Variants in RXRB observed in about 807,000 individuals in gnomAD.
The protein encoded by RXRB is retinoic acid receptor RXR-beta.
RXRB carries 18 observed loss-of-function variants against 52.5 expected under a neutral mutation model. The observed-to-expected ratio is 0.34, with a 90% confidence interval of 0.24 to 0.51. The LOEUF (loss-of-function observed/expected upper bound fraction) is 0.51. Ranked by LOEUF, RXRB falls within the 20% of genes least tolerant of loss-of-function variation. RXRB has a pLI of 0.97. For synonymous variants in RXRB, 233 were observed against 267.1 expected (o/e 0.87, Z 1.25); for missense variants, 455 against 698.2 (o/e 0.65, Z 3.92).
At position 33,195,742 on chromosome 6, in the gene RXRB, C is replaced by G; in HGVS notation, c.1124-40G>C. 6.2e-7 allele frequency: 1 copy of G among 1,607,284 alleles called. No individual in the cohort carries two copies. The highest frequency in any genetic ancestry group is 1.1e-5 in the South Asian group (1 of 90,748). On this transcript the variant is annotated intron_variant, in intron 6 of 9. Coordinates refer to ENST00000374680, the MANE Select transcript of RXRB (RefSeq NM_021976.5). This position sits in a 1 kb window ranked among gnomAD's most constrained non-coding sequence, Gnocchi z 8.6. ...AAGGGTCAGGAGCCAGAAATCAGGC[C>G]AAGGGATTCAAAGCACATCAGTGGA... is the stretch of plus-strand genomic sequence containing the variant.
At position 33,196,739 on chromosome 6, in the gene RXRB, A is replaced by G. The variant is rs920308903; in HGVS notation, c.821-133T>C. 1.2e-6 allele frequency: 1 copy of G among 824,266 alleles called. No homozygotes were observed. Among genetic ancestry groups the G allele is most frequent in the Admixed American group, 3.0e-5 (1 of 33,784 alleles). 51.1% of individuals were successfully genotyped at this position (824,266 alleles called of 1,614,324 possible). On this transcript the variant is annotated intron_variant, in intron 4 of 9. Transcript: ENST00000374680. This position sits in a 1 kb window ranked among gnomAD's most constrained non-coding sequence, Gnocchi z 4.0. ...ATTTATAGGAATTGGGGAAGTCACTAGAAAGGGTGGACTGGGGGCAGCCCT... is the reference window on the plus strand; with the variant it reads ...ATTTATAGGAATTGGGGAAGTCACTGGAAAGGGTGGACTGGGGGCAGCCCT...
Position 33,199,465 on chromosome 6 carries a change from G to A in RXRB, c.236-49C>T, listed in dbSNP as rs990967796. The A allele has an allele frequency of 4.8e-6, 6 of 1,256,968 alleles. No homozygotes were observed. The South Asian group carries it at 1.4e-4, about 30-fold the overall frequency. The allele number at this position is 1,256,968 out of a possible 1,614,324, so 77.9% of individuals were successfully genotyped here. On this transcript the variant is annotated intron_variant, in intron 1 of 9. Coordinates refer to ENST00000374680, the MANE Select transcript of RXRB (RefSeq NM_021976.5). ...ACACAGACACACAAGAGACAGAAGA[G>A]ACAAAAAAAGAAAATGAGTCTTCAA... is the stretch of plus-strand genomic sequence containing the variant.
At position 33,197,015 on chromosome 6, in the gene RXRB, A is replaced by T. The variant is rs1314677059; in HGVS notation, c.821-409T>A. Among the ~76,000 whole-genome samples, 1 of 152,240 alleles carries T rather than the reference A, an allele frequency of 6.6e-6. No individual in the cohort carries two copies. The highest frequency in any genetic ancestry group is 1.5e-5 in the Non-Finnish European group (1 of 68,038). On this transcript the variant is annotated intron_variant, in intron 4 of 9. Coordinates refer to ENST00000374680, the MANE Select transcript of RXRB (RefSeq NM_021976.5). The surrounding 1 kb of genome is among the most constrained non-coding windows in gnomAD (Gnocchi z 4.4). ...GCATTTATTCTCATTTTTAAGATGA[A>T]GAACTCGGGGTTCAAAGAGATTAGT...
Position 33,200,639 on chromosome 6 carries a change from T to G in RXRB, c.-163A>C. 1 of 1,517,400 alleles carries G rather than the reference T, an allele frequency of 6.6e-7. No individual in the cohort carries two copies. The highest frequency in any genetic ancestry group is 8.8e-7 in the Non-Finnish European group (1 of 1,131,424). The allele number at this position is 1,517,400 out of a possible 1,614,324, so 94.0% of individuals were successfully genotyped here. A position where few individuals can be genotyped will look rare whatever the true frequency, so the allele number is the denominator to read the frequency against. On this transcript the variant is annotated 5_prime_UTR_variant, in exon 1 of 10. Transcript: ENST00000374680. This position sits in a 1 kb window ranked among gnomAD's most constrained non-coding sequence, Gnocchi z 6.3. ...CTCAGTACCAAAATGACAGCGCCAA[T>G]GTGGCAGCCATCTTTGTACAGACGG...
At position 33,196,698 on chromosome 6, in the gene RXRB, A is replaced by C; in HGVS notation, c.821-92T>G. The C allele has an allele frequency of 6.7e-4, 751 of 1,128,804 alleles. No homozygotes were observed. Among genetic ancestry groups the C allele is most frequent in the Non-Finnish European group, 8.6e-4 (676 of 784,576 alleles). 69.9% of individuals were successfully genotyped at this position (1,128,804 alleles called of 1,614,324 possible). A position where few individuals can be genotyped will look rare whatever the true frequency, so the allele number is the denominator to read the frequency against. On this transcript the variant is annotated intron_variant, in intron 4 of 9. Transcript: ENST00000374680. This position sits in a 1 kb window ranked among gnomAD's most constrained non-coding sequence, Gnocchi z 4.0. The stretch of plus-strand genomic sequence containing the variant: ...ATCCTTACGGCCTCATCAGGATCTC[A>C]TGGCCCTTGGGAGATATTTATAGGA...
rs1409486129 is a variant in RXRB, at chr6:33,194,799, G to A, written c.1485C>T (p.Ala495=). Residue 495 remains alanine, a synonymous_variant, in exon 10 of 10, where the codon GCC becomes GCT. Coordinates refer to ENST00000374680, the MANE Select transcript of RXRB (RefSeq NM_021976.5). This position sits in a 1 kb window ranked among gnomAD's most constrained non-coding sequence, Gnocchi z 4.1. Reference sequence around the variant, plus strand: ...GACACTTAAGGCCAATGGACCGGAGGGCAGGAAGACGTAGCAGCAGCTTGG... The same window carrying A: ...GACACTTAAGGCCAATGGACCGGAGAGCAGGAAGACGTAGCAGCAGCTTGG... ...RFAKLLLRLP[A]LRSIGLKCLE... is the part of the protein sequence containing the mutation. 1.8e-5 allele frequency: 29 copies of A among 1,612,930 alleles called. No homozygotes were observed. The highest frequency in any genetic ancestry group is 2.4e-5 in the Non-Finnish European group (28 of 1,180,026).
Position 33,200,202 on chromosome 6 carries a change from G to T in RXRB, c.235+40C>A, listed in dbSNP as rs958286529. On this transcript the variant is annotated intron_variant, in intron 1 of 9. Transcript: ENST00000374680. The surrounding 1 kb of genome is among the most constrained non-coding windows in gnomAD (Gnocchi z 6.3). Reference sequence around the variant, plus strand: ...GTGTGGGGGAGGGGTCGCAGATAAAGCGGTCACTGGCTCGCCTGCCCTTCT... The same window carrying T: ...GTGTGGGGGAGGGGTCGCAGATAAATCGGTCACTGGCTCGCCTGCCCTTCT... 5.0e-6 allele frequency: 8 copies of T among 1,598,024 alleles called. No individual in the cohort carries two copies. Among genetic ancestry groups the T allele is most frequent in the Non-Finnish European group, 5.1e-6 (6 of 1,172,740 alleles).
Position 33,196,920 on chromosome 6 carries a change from A to T in RXRB, c.821-314T>A, listed in dbSNP as rs9501283. On this transcript the variant is annotated intron_variant, in intron 4 of 9. Coordinates refer to ENST00000374680, the MANE Select transcript of RXRB (RefSeq NM_021976.5). This position sits in a 1 kb window ranked among gnomAD's most constrained non-coding sequence, Gnocchi z 4.0. ...GCTGATTGAAAAAAAAAATTTTTTTAAATAAAATATGCCAAGAAACATGCT... is the reference window on the plus strand; with the variant it reads ...GCTGATTGAAAAAAAAAATTTTTTTTAATAAAATATGCCAAGAAACATGCT... Among the ~76,000 whole-genome samples the T allele has an allele frequency of 0.021, 3,204 of 152,338 alleles. 110 individuals are homozygous for T. The highest frequency in any genetic ancestry group is 0.058 in the African/African-American group (2,429 of 41,570).
At position 33,197,339 on chromosome 6, in the gene RXRB, A is replaced by C. The variant is rs1353716500; in HGVS notation, c.820+423T>G. ...GAAGATAAGATGGAGACACAGAAGAAGGAAGGGAAGCCCTGAGGTCTTCAG... is the reference window on the plus strand; with the variant it reads ...GAAGATAAGATGGAGACACAGAAGACGGAAGGGAAGCCCTGAGGTCTTCAG... On this transcript the variant is annotated intron_variant, in intron 4 of 9. Transcript: ENST00000374680. This position sits in a 1 kb window ranked among gnomAD's most constrained non-coding sequence, Gnocchi z 4.4. 2.0e-5 allele frequency among the ~76,000 whole-genome samples: 3 copies of C among 152,204 alleles called. No individual in the cohort carries two copies. Among genetic ancestry groups the C allele is most frequent in the African/African-American group, 7.2e-5 (3 of 41,446 alleles).
chr6:33,195,142 G>T lies in RXRB; in HGVS notation c.1349-92C>A. 1 of 984,350 alleles carries T rather than the reference G, an allele frequency of 1.0e-6. No individual in the cohort carries two copies. The highest frequency in any genetic ancestry group is 1.6e-6 in the Non-Finnish European group (1 of 623,722). The allele number at this position is 984,350 out of a possible 1,614,324, so 61.0% of individuals were successfully genotyped here. On this transcript the variant is annotated intron_variant, in intron 8 of 9. Coordinates refer to ENST00000374680, the MANE Select transcript of RXRB (RefSeq NM_021976.5). This position sits in a 1 kb window ranked among gnomAD's most constrained non-coding sequence, Gnocchi z 8.6. ...TGTGAGCCACAGGATGCCCCTTTTGGGCTGCACTTGCTTGCCCTTTACCAG... is the reference window on the plus strand; with the variant it reads ...TGTGAGCCACAGGATGCCCCTTTTGTGCTGCACTTGCTTGCCCTTTACCAG...
chr6:33,197,091 T>C lies in RXRB; in HGVS notation c.821-485A>G, dbSNP rs1159839613. 1.3e-5 allele frequency among the ~76,000 whole-genome samples: 2 copies of C among 152,182 alleles called. No individual in the cohort carries two copies. The highest frequency in any genetic ancestry group is 4.8e-5 in the African/African-American group (2 of 41,442). On this transcript the variant is annotated intron_variant, in intron 4 of 9. Coordinates refer to ENST00000374680, the MANE Select transcript of RXRB (RefSeq NM_021976.5). The surrounding 1 kb of genome is among the most constrained non-coding windows in gnomAD (Gnocchi z 4.4). ...CAGGTCATACAACTGACTCTAAGTG[T>C]GTCTGAGTGCAAATCTTGTGCTCTT... is the stretch of plus-strand genomic sequence containing the variant.
chr6:33,194,628 C>T lies in RXRB; in HGVS notation c.*54G>A. On this transcript the variant is annotated 3_prime_UTR_variant, in exon 10 of 10. Transcript: ENST00000374680. This position sits in a 1 kb window ranked among gnomAD's most constrained non-coding sequence, Gnocchi z 4.1. ...CCCACCCTGCCCCAGGGCTTGGAGT[C>T]CCTCTTGGATGTGTGCTCCTCCAGT... The T allele has an allele frequency of 1.3e-6, 2 of 1,582,472 alleles. No homozygotes were observed. Among genetic ancestry groups the T allele is most frequent in the Admixed American group, 1.7e-5 (1 of 57,176 alleles).
Position 33,197,801 on chromosome 6 carries a change from G to T in RXRB, c.781C>A (p.Arg261Ser). 1 of 1,614,008 alleles carries T rather than the reference G, an allele frequency of 6.2e-7. No homozygotes were observed. The highest frequency in any genetic ancestry group is 8.5e-7 in the Non-Finnish European group (1 of 1,180,032). Residue 261 changes from arginine to serine, a missense_variant, in exon 4 of 10, where the codon CGC becomes AGC. Coordinates refer to ENST00000374680, the MANE Select transcript of RXRB (RefSeq NM_021976.5). The surrounding 1 kb of genome is among the most constrained non-coding windows in gnomAD (Gnocchi z 4.4). ...KRQRNRCQYCRYQKCLATGMK... is the reference protein window; with the variant it reads ...KRQRNRCQYCSYQKCLATGMK... ...CCAGTGGCCAGGCACTTCTGATAGC[G>T]GCAGTACTGACAGCGGTTCCGCTGG...
At position 33,194,884 on chromosome 6, in the gene RXRB, C is replaced by G; in HGVS notation, c.1455-55G>C. On this transcript the variant is annotated intron_variant, in intron 9 of 9. Transcript: ENST00000374680. The surrounding 1 kb of genome is among the most constrained non-coding windows in gnomAD (Gnocchi z 4.1). ...GAGCTGGAAGCACACGGGCCCTGAA[C>G]ACATCCTCATAGCACTCCCCACCCC... is the stretch of plus-strand genomic sequence containing the variant. The G allele has an allele frequency of 6.2e-7, 1 of 1,611,716 alleles. No homozygotes were observed. The highest frequency in any genetic ancestry group is 8.5e-7 in the Non-Finnish European group (1 of 1,179,158).
chr6:33,194,335 A>C lies in RXRB; in HGVS notation c.*347T>G, dbSNP rs950668491. On this transcript the variant is annotated 3_prime_UTR_variant, in exon 10 of 10. Transcript: ENST00000374680. This position sits in a 1 kb window ranked among gnomAD's most constrained non-coding sequence, Gnocchi z 4.1. The stretch of plus-strand genomic sequence containing the variant: ...CATTTCCACTCTTCAGATGGGAAGC[A>C]AAATGAGGCAAGATGAGAAGGAAGC... 8.7e-6 allele frequency: 2 copies of C among 229,550 alleles called. No individual in the cohort carries two copies. The highest frequency in any genetic ancestry group is 4.5e-5 in the African/African-American group (2 of 44,112). The allele number at this position is 229,550 out of a possible 1,614,324, so 14.2% of individuals were successfully genotyped here.
At position 33,195,545 on chromosome 6, in the gene RXRB, G is replaced by T. The variant is rs756400696; in HGVS notation, c.1256+25C>A. On this transcript the variant is annotated intron_variant, in intron 7 of 9. Coordinates refer to ENST00000374680, the MANE Select transcript of RXRB (RefSeq NM_021976.5). The surrounding 1 kb of genome is among the most constrained non-coding windows in gnomAD (Gnocchi z 8.6). ...ATAGCCCCACCCCCTCTATCTACATGCCAGCCTAGCCGAGGGCCACTGACC... is the reference window on the plus strand; with the variant it reads ...ATAGCCCCACCCCCTCTATCTACATTCCAGCCTAGCCGAGGGCCACTGACC... The T allele has an allele frequency of 9.9e-5, 160 of 1,612,922 alleles. No individual in the cohort carries two copies. Among genetic ancestry groups the T allele is most frequent in the Non-Finnish European group, 1.3e-4 (157 of 1,180,026 alleles).
In RXRB at chr6:33,195,818, C is replaced by T. The variant is rs758324335; in HGVS notation, c.1123+89G>A. 7.9e-5 allele frequency: 126 copies of T among 1,600,400 alleles called. 2 individuals carry two copies. In the East Asian group the frequency reaches 1.8e-3, roughly 23 times the overall value. On this transcript the variant is annotated intron_variant, in intron 6 of 9. Coordinates refer to ENST00000374680, the MANE Select transcript of RXRB (RefSeq NM_021976.5). The surrounding 1 kb of genome is among the most constrained non-coding windows in gnomAD (Gnocchi z 8.6). ...GTCAGCAAGTTTGGCTCCCTGGGTA[C>T]GCAAGGTAAGGCCACTGGGGTCACT...
At position 33,200,088 on chromosome 6, in the gene RXRB, G is replaced by A; in HGVS notation, c.235+154C>T. The stretch of plus-strand genomic sequence containing the variant: ...GCTCCCCTTCCCCGCCCCGCCCCGG[G>A]GGGGAGGGTGCTAAGGCCCTCGGGA... On this transcript the variant is annotated intron_variant, in intron 1 of 9. Transcript: ENST00000374680. The surrounding 1 kb of genome is among the most constrained non-coding windows in gnomAD (Gnocchi z 6.3). The A allele has an allele frequency of 5.4e-6, 6 of 1,112,292 alleles. No homozygotes were observed. Among genetic ancestry groups the A allele is most frequent in the African/African-American group, 1.5e-5 (1 of 65,786 alleles). The allele number at this position is 1,112,292 out of a possible 1,614,324, so 68.9% of individuals were successfully genotyped here. A position where few individuals can be genotyped will look rare whatever the true frequency, so the allele number is the denominator to read the frequency against.
intron 2 of RXRB, 197 bp from the exon 3 acceptor site, chr6:33,198,661 A>G: frequency 2.8e-6 from 2 of 704,574 alleles, no homozygotes; most frequent in Non-Finnish European, 5.1e-6. Context: ...CCCCCCTGAA[A>G]TTGTGCAACA....
Sources: gnomAD v4.1 joint callset for allele counts (sites outside exome capture counted in the v4.1 genomes callset) on GRCh38, gnomAD v4.1.1 for gene constraint, Gnocchi (gnomAD v3.1) non-coding constraint, MANE v1.5 for transcripts, NCBI Gene and HGNC (gene_info 2026-07-23, HGNC 2026-07-21) for gene names.